Variants in KCNQ3 observed in about 807,000 individuals in gnomAD.
KCNQ3 encodes the protein potassium voltage-gated channel subfamily Q member 3.
A neutral mutation model predicts 92.5 loss-of-function variants in KCNQ3; 30 were observed. That is an observed-to-expected ratio of 0.32 (90% confidence interval 0.24 to 0.44). The LOEUF (loss-of-function observed/expected upper bound fraction) is 0.44. Among genes scored for constraint, KCNQ3 ranks in the 20% least tolerant of loss-of-function variants. KCNQ3 has a pLI of 1.00. For synonymous variants in KCNQ3, 450 were observed against 468.8 expected (o/e 0.96, Z 0.52); for missense variants, 913 against 1,140.3 (o/e 0.80, Z 2.87).
chr8:132,187,861 G>GTGGCGGTGGTGGTGGTAGTGATAGTGA (rs1827040640), intron 1 of KCNQ3, among the ~76,000 whole-genome samples: 1 of 95,056 alleles, frequency 1.1e-5, no homozygotes, highest in Non-Finnish European at 2.0e-5. Context: ...AGTGATGGTG[G>GTGGCGGTGGTGGTGGTAGTGATAGTGA]TGGTGGTGGT....
At chr8:132,330,996 G>A (rs936312101) in intron 1 of KCNQ3, among the ~76,000 whole-genome samples, 5 of 152,310 alleles carry the variant, frequency 3.3e-5, no homozygotes, top group East Asian at 1.9e-4. Flanking sequence ...GATAAGCCAC[G>A]AACCTGAATG....
chr8:132,443,800 C>A (rs922762529), intron 1 of KCNQ3, among the ~76,000 whole-genome samples: 1 of 152,056 alleles, frequency 6.6e-6, no homozygotes, highest in African/African-American at 2.4e-5. Context: ...GTTCAGGTCC[C>A]GTTCCAGTAC....
intron 1 of KCNQ3, among the ~76,000 whole-genome samples, chr8:132,204,235 G>A (rs547917705): frequency 2.0e-5 from 3 of 152,194 alleles, no homozygotes; most frequent in South Asian, 2.1e-4. Flanking sequence ...GAGCTGCGCC[G>A]GAGGCAGATC....
In KCNQ3 at chr8:132,480,637, A is replaced by G. The variant is rs2130875620; in HGVS notation, c.-105T>C. Reference sequence around the variant, plus strand: ...CGGCGGCGGCGGCTGCAAGCCCGGGAACTCCAATGCCATGATCCGCGCGCC... The same window carrying G: ...CGGCGGCGGCGGCTGCAAGCCCGGGGACTCCAATGCCATGATCCGCGCGCC... On this transcript the variant is annotated 5_prime_UTR_variant, in exon 1 of 15. Transcript: ENST00000388996. 1 of 1,148,596 alleles carries G rather than the reference A, an allele frequency of 8.7e-7. No individual in the cohort carries two copies. The highest frequency in any genetic ancestry group is 1.8e-5 in the South Asian group (1 of 55,354). 71.2% of individuals were successfully genotyped at this position (1,148,596 alleles called of 1,614,324 possible).
intron 1 of KCNQ3, among the ~76,000 whole-genome samples, chr8:132,440,028 C>T (rs1225649922): frequency 1.3e-5 from 2 of 152,174 alleles, no homozygotes; most frequent in African/African-American, 4.8e-5. Context: ...CTGCAAACAT[C>T]CTTCCGTATA....
At chr8:132,291,624 T>C (rs573324184) in intron 1 of KCNQ3, among the ~76,000 whole-genome samples, 2 of 152,342 alleles carry the variant, frequency 1.3e-5, no homozygotes, top group South Asian at 4.1e-4. Context: ...ATGTTATCTA[T>C]TTTACTTATG....
intron 1 of KCNQ3, among the ~76,000 whole-genome samples, chr8:132,460,096 T>C (rs1287046312): frequency 6.6e-6 from 1 of 152,178 alleles, no homozygotes; most frequent in Non-Finnish European, 1.5e-5. Context: ...CACTATAAGA[T>C]GCCCTTGGCT....
chr8:132,174,835 T>G (rs1439307850), intron 5 of KCNQ3, among the ~76,000 whole-genome samples: 1 of 152,232 alleles, frequency 6.6e-6, no homozygotes, highest in Non-Finnish European at 1.5e-5. Flanking sequence ...AAGGCAGGAT[T>G]ATCAGAGCAG....
At chr8:132,459,739 T>G (rs928647176) in intron 1 of KCNQ3, among the ~76,000 whole-genome samples, 1 of 151,018 alleles carries the variant, frequency 6.6e-6, no homozygotes, top group South Asian at 2.1e-4. Flanking sequence ...TTTTCTTGTT[T>G]TTTTTTTTTT....
chr8:132,383,921 G>A (rs1431094704), intron 1 of KCNQ3, among the ~76,000 whole-genome samples: 1 of 152,146 alleles, frequency 6.6e-6, no homozygotes, highest in South Asian at 2.1e-4. Flanking sequence ...AAAAATAAGG[G>A]TTAAATGAGT....
At chr8:132,155,472 C>T (rs567320648) in intron 9 of KCNQ3, among the ~76,000 whole-genome samples, 1 of 152,184 alleles carries the variant, frequency 6.6e-6, no homozygotes, top group East Asian at 1.9e-4. Context: ...TAAAAGCAAA[C>T]CTTTAAATAA....
intron 1 of KCNQ3, among the ~76,000 whole-genome samples, chr8:132,232,304 G>A (rs920535673): frequency 4.0e-4 from 61 of 152,330 alleles, no homozygotes; most frequent in African/African-American, 1.4e-3. Flanking sequence ...AGGTCTAGAG[G>A]GAGGTGCCTG....
intron 1 of KCNQ3, among the ~76,000 whole-genome samples, chr8:132,443,903 G>C (rs1236374304): frequency 6.6e-6 from 1 of 152,108 alleles, no homozygotes; most frequent in Non-Finnish European, 1.5e-5. Context: ...ACACAGCTAA[G>C]GGCCAAGCAT....
chr8:132,318,460 G>A (rs892187114), intron 1 of KCNQ3, among the ~76,000 whole-genome samples: 2 of 152,218 alleles, frequency 1.3e-5, no homozygotes, highest in African/African-American at 4.8e-5. Context: ...TGATTAAAGG[G>A]ATGGGAATTT....
intron 9 of KCNQ3, among the ~76,000 whole-genome samples, chr8:132,142,248 GGTT>G (rs1435481155): frequency 2.0e-5 from 3 of 152,148 alleles, no homozygotes; most frequent in Admixed American, 1.3e-4. Context: ...CAAAGAAAAT[GGTT>G]AATAATGCCA....
chr8:132,197,615 T>C (rs1033210041), intron 1 of KCNQ3, among the ~76,000 whole-genome samples: 1 of 152,082 alleles, frequency 6.6e-6, no homozygotes, highest in African/African-American at 2.4e-5. Context: ...TGTTTTCTCT[T>C]TCTTCTCCAG....
At chr8:132,472,072 C>T (rs2130867295) in intron 1 of KCNQ3, among the ~76,000 whole-genome samples, 1 of 151,944 alleles carries the variant, frequency 6.6e-6, no homozygotes, top group East Asian at 1.9e-4. Flanking sequence ...ATCATCTTAC[C>T]CTAGTTAGAA....
chr8:132,157,915 G>A (rs2130049975), intron 9 of KCNQ3, among the ~76,000 whole-genome samples: 1 of 152,174 alleles, frequency 6.6e-6, no homozygotes, highest in South Asian at 2.1e-4. Flanking sequence ...ATTTATGAAT[G>A]AGAACATGCG....
chr8:132,364,664 A>AATGG (rs1238198669), intron 1 of KCNQ3, among the ~76,000 whole-genome samples: 6 of 143,626 alleles, frequency 4.2e-5, no homozygotes, highest in African/African-American at 1.1e-4. Flanking sequence ...GGGTTTAGTA[A>AATGG]ATGGATGGAC....
Sources: allele counts gnomAD v4.1 joint callset (sites outside exome capture counted in the v4.1 genomes callset), GRCh38; gene constraint gnomAD v4.1.1; transcripts MANE v1.5; gene names NCBI Gene and HGNC (gene_info 2026-07-23, HGNC 2026-07-21).